Variants in STARD10 observed in about 807,000 individuals in gnomAD.
STARD10 encodes the protein START domain-containing protein 10.
STARD10 carries 24 observed loss-of-function variants against 36.0 expected under a neutral mutation model. That is an observed-to-expected ratio of 0.67 (90% CI 0.48 to 0.94). The LOEUF (loss-of-function observed/expected upper bound fraction) is 0.94, where lower values mean the gene tolerates loss of function less well. Among genes scored for constraint, STARD10 ranks in the 40% least tolerant of loss-of-function variants. STARD10 has a pLI of 0.00. For missense variants in STARD10, 335 were observed against 396.6 expected, an observed-to-expected ratio of 0.84 and a Z score of 1.32; for synonymous variants, 156 against 161.9, an observed-to-expected ratio of 0.96 and a Z score of 0.28.
At chr11:72,765,584 C>T (rs1310006774) in intron 2 of STARD10, among the ~76,000 whole-genome samples, 1 of 152,148 alleles carries the variant, frequency 6.6e-6, no homozygotes, top group African/African-American at 2.4e-5. Context: ...TTCATTTCCT[C>T]ATGTGAAAAA....
intron 1 of STARD10, among the ~76,000 whole-genome samples, chr11:72,785,117 G>A (rs746689289): frequency 5.9e-5 from 9 of 152,110 alleles, no homozygotes; most frequent in Non-Finnish European, 1.0e-4. Context: ...CAGGGCACCT[G>A]CCTGGAGCCA....
Position 72,761,986 on chromosome 11 carries a change from C to T in STARD10, c.208-2605G>A, listed in dbSNP as rs1414671598. ...TGTTGCCTAGGCTGGAGTGCAATGA[C>T]ACGATCTTGGCTCACCGCAACCTAC... On this transcript the variant is annotated intron_variant, in intron 2 of 6. Transcript: ENST00000334805. 6.6e-5 allele frequency among the ~76,000 whole-genome samples: 8 copies of T among 121,802 alleles called. No homozygotes were observed. In the South Asian group the frequency reaches 8.8e-4, roughly 13 times the overall value. 79.9% of individuals were successfully genotyped at this position (121,802 alleles called of 152,430 possible).
rs1417114383 is a variant in STARD10, at chr11:72,781,730, G to A, written c.-113-436C>T. On this transcript the variant is annotated intron_variant, in intron 1 of 6. Transcript: ENST00000334805. This position sits in a 1 kb window ranked among gnomAD's most constrained non-coding sequence, Gnocchi z 4.7. ...CCAGCGCCGCCGCCGCAGCTGCCCG[G>A]GAGACCCGGGGCCGCGCGGGGGCTC... 2 of 148,308 alleles carry A rather than the reference G, an allele frequency of 1.3e-5. No homozygotes were observed. The highest frequency in any genetic ancestry group is 4.9e-5 in the African/African-American group (2 of 40,992). The allele number at this position is 148,308 out of a possible 1,614,324, so 9.2% of individuals were successfully genotyped here.
At position 72,757,240 on chromosome 11, in the gene STARD10, A is replaced by T. The variant is rs181005337; in HGVS notation, c.577+527T>A. On this transcript the variant is annotated intron_variant, in intron 5 of 6. Transcript: ENST00000334805. ...GCAGGTTCTGGGCATGGGTGACTGA[A>T]AAGTGGAGACTTAGGGCAAGGGGCA... Among the ~76,000 whole-genome samples, 33 of 152,302 alleles carry T rather than the reference A, an allele frequency of 2.2e-4. 1 individual carries two copies. In the East Asian group the frequency reaches 6.0e-3, roughly 28 times the overall value.
rs1475046626 is a variant in STARD10 at position 72,793,008 on chromosome 11, G to GT, written c.-248dup. Reference sequence around the variant, plus strand: ...CTTCCTCCATCAGGCCAAGGTGGGGGTAGGAGAAGAATTGGGAACAGGGAC... The same window carrying GT: ...CTTCCTCCATCAGGCCAAGGTGGGGGTTAGGAGAAGAATTGGGAACAGGGAC... On this transcript the variant is annotated 5_prime_UTR_variant, in exon 1 of 7. Coordinates refer to ENST00000334805, the MANE Select transcript of STARD10 (RefSeq NM_006645.3). The GT allele has an allele frequency of 3.3e-5, 5 of 152,618 alleles. No individual in the cohort carries two copies. The highest frequency in any genetic ancestry group is 7.3e-5 in the Non-Finnish European group (5 of 68,360). 9.5% of individuals were successfully genotyped at this position (152,618 alleles called of 1,614,324 possible).
intron 1 of STARD10, among the ~76,000 whole-genome samples, chr11:72,783,099 GA>G (rs1859025888): frequency 6.6e-6 from 1 of 152,070 alleles, no homozygotes; most frequent in Non-Finnish European, 1.5e-5. Flanking sequence ...AATGTGCTAA[GA>G]AAAAAACGAG....
At position 72,757,950 on chromosome 11, in the gene STARD10, T is replaced by C. The variant is rs1472342615; in HGVS notation, c.460-66A>G. On this transcript the variant is annotated intron_variant, in intron 4 of 6. Transcript: ENST00000334805. ...GGCAAAGAAGATGTTTTTGTGAGTA[T>C]ACACAAACGCGCACGCGCACACACA... 3.6e-6 allele frequency: 5 copies of C among 1,375,152 alleles called. No homozygotes were observed. In the East Asian group the frequency reaches 6.9e-5, roughly 19 times the overall value. The allele number at this position is 1,375,152 out of a possible 1,614,324, so 85.2% of individuals were successfully genotyped here.
intron 2 of STARD10, among the ~76,000 whole-genome samples, chr11:72,771,295 T>C (rs1240062404): frequency 2.0e-5 from 3 of 152,048 alleles, no homozygotes; most frequent in Admixed American, 2.0e-4. Flanking sequence ...TGAGGGTGTG[T>C]GTGGAGTTCA....
chr11:72,780,721 G>T lies in STARD10; in HGVS notation c.207+254C>A, dbSNP rs369879667. The T allele has an allele frequency of 9.2e-6, 5 of 545,976 alleles. No individual in the cohort carries two copies. The East Asian group carries it at 1.6e-4, about 17-fold the overall frequency. 33.8% of individuals were successfully genotyped at this position (545,976 alleles called of 1,614,324 possible). A position where few individuals can be genotyped will look rare whatever the true frequency, so the allele number is the denominator to read the frequency against. On this transcript the variant is annotated intron_variant, in intron 2 of 6. Transcript: ENST00000334805. ...GCAGCAGCCCAGATCCCTGGAACAG[G>T]CAGGGGCATGCAGAAGCCTGGGTTC...
At position 72,781,128 on chromosome 11, in the gene STARD10, G is replaced by A; in HGVS notation, c.54C>T (p.Gly18=). The A allele has an allele frequency of 1.2e-6, 2 of 1,613,546 alleles. No homozygotes were observed. The highest frequency in any genetic ancestry group is 8.5e-7 in the Non-Finnish European group (1 of 1,180,012). The change falls in exon 2 of 7, where the codon GGC becomes GGT. Residue 18 remains glycine (G), a synonymous_variant. Coordinates refer to ENST00000334805, the MANE Select transcript of STARD10 (RefSeq NM_006645.3). This position sits in a 1 kb window ranked among gnomAD's most constrained non-coding sequence, Gnocchi z 4.7. ...CATCGGGCACCTGGACACTCTCACGGCCCAGGACCGGCCGAGGCCCTTGGG... is the reference window on the plus strand; with the variant it reads ...CATCGGGCACCTGGACACTCTCACGACCCAGGACCGGCCGAGGCCCTTGGG... ...TEPQGPRPVL[G]RESVQVPDDQ... is the part of the protein sequence containing the mutation.
chr11:72,784,328 G>A (rs1859045035), intron 1 of STARD10, among the ~76,000 whole-genome samples: 1 of 152,168 alleles, frequency 6.6e-6, no homozygotes. Flanking sequence ...TTCAAATCCT[G>A]GCCCTCTGAT....
At chr11:72,786,557 T>C (rs1259499763) in intron 1 of STARD10, among the ~76,000 whole-genome samples, 2 of 152,140 alleles carry the variant, frequency 1.3e-5, no homozygotes, top group African/African-American at 4.8e-5. Flanking sequence ...CACCTGCCCT[T>C]AGGGAGCTGC....
intron 1 of STARD10, chr11:72,790,504 T>G (rs1452497333): frequency 6.6e-6 from 1 of 152,268 alleles, no homozygotes; most frequent in Non-Finnish European, 1.5e-5. Context: ...GGGTATCTGA[T>G]GTCAGGCCCT....
chr11:72,772,395 G>A (rs1156654928), intron 2 of STARD10, among the ~76,000 whole-genome samples: 1 of 152,174 alleles, frequency 6.6e-6, no homozygotes, highest in African/African-American at 2.4e-5. Flanking sequence ...TTCTCCCTGT[G>A]CCCAGCGTTG....
rs572985244 is a variant in STARD10 at position 72,788,002 on chromosome 11, G to A, written c.-114+4873C>T. The stretch of plus-strand genomic sequence containing the variant: ...ACCGTTTGGGTGATAGGAGAGGTTT[G>A]GGGGGGGCAGCCCCAAAACATAGCC... On this transcript the variant is annotated intron_variant, in intron 1 of 6. Transcript: ENST00000334805. 3.4e-5 allele frequency among the ~76,000 whole-genome samples: 5 copies of A among 147,056 alleles called. No individual in the cohort carries two copies. The South Asian group carries it at 1.0e-3, about 31-fold the overall frequency.
rs370883936 is a variant in STARD10, at chr11:72,759,270, G to A, written c.319C>T (p.Arg107Cys). The A allele has an allele frequency of 4.3e-6, 7 of 1,614,142 alleles. No homozygotes were observed. The highest frequency in any genetic ancestry group is 3.3e-5 in the South Asian group (3 of 91,066). Reference sequence around the variant, plus strand: ...CCCACGTCAGCGTTGACTGTCAAGCGGGCGATGTCAAAAGTCTCAATGACG... The same window carrying A: ...CCCACGTCAGCGTTGACTGTCAAGCAGGCGATGTCAAAAGTCTCAATGACG... ...SNVIETFDIA[R>C]LTVNADVGYY... Residue 107 changes from arginine to cysteine, a missense_variant, in exon 3 of 7, where the codon CGC (arginine) becomes TGC (cysteine). By Grantham distance (180) the Arg-to-Cys change is radical. Coordinates refer to ENST00000334805, the MANE Select transcript of STARD10 (RefSeq NM_006645.3).
intron 6 of STARD10, 48 bp downstream of exon 6, chr11:72,755,653 C>T (rs763841252): frequency 1.2e-6 from 2 of 1,603,932 alleles, no homozygotes; most frequent in Admixed American, 1.7e-5. Context: ...TTCCATAGTC[C>T]TCTTTCCAGT....
chr11:72,780,095 T>C, intron 2 of STARD10: 1 of 381,696 alleles, frequency 2.6e-6, no homozygotes, highest in Non-Finnish European at 5.5e-6. Context: ...CTACCAGCCC[T>C]GGAAATGCAG....
intron 1 of STARD10, among the ~76,000 whole-genome samples, chr11:72,786,727 G>A (rs1424644174): frequency 6.6e-6 from 1 of 152,210 alleles, no homozygotes; most frequent in Non-Finnish European, 1.5e-5. Context: ...ACACACACTT[G>A]ATCATGCCAG....
Sources: allele counts gnomAD v4.1 joint callset (sites outside exome capture counted in the v4.1 genomes callset), GRCh38; gene constraint gnomAD v4.1.1; non-coding constraint Gnocchi (gnomAD v3.1); transcripts MANE v1.5; gene names NCBI Gene and HGNC (gene_info 2026-07-23, HGNC 2026-07-21).